DRC5: variants seen among roughly 807,000 people sequenced by gnomAD.
DRC5 encodes the protein dynein regulatory complex subunit 5.
the DRC5 span, chr6:44,287,554 A>G: frequency 2.3e-5 from 37 of 1,606,426 alleles, no homozygotes; most frequent in Non-Finnish European, 2.9e-5. Flanking sequence ...CTCACTCTGG[A>G]AGTTCCTGAT....
the DRC5 span, among the ~76,000 whole-genome samples, chr6:44,292,968 C>T: frequency 6.6e-6 from 1 of 152,308 alleles, no homozygotes; most frequent in East Asian, 1.9e-4. Flanking sequence ...TCTAATAAGT[C>T]CCTTTGCCAA....
the DRC5 span, among the ~76,000 whole-genome samples, chr6:44,296,756 TCAGC>T: frequency 6.6e-6 from 1 of 150,916 alleles, no homozygotes; most frequent in Admixed American, 6.7e-5. Flanking sequence ...CTCTGCCTTC[TCAGC>T]CGCTCCCACC....
chr6:44,288,593 C>T, the DRC5 span, among the ~76,000 whole-genome samples: 2 of 152,138 alleles, frequency 1.3e-5, no homozygotes, highest in East Asian at 1.9e-4. Flanking sequence ...CTGCCTGATC[C>T]GTAGGATGGG....
At chr6:44,285,936 T>G in the DRC5 span, 10 of 1,563,332 alleles carry the variant, frequency 6.4e-6, no homozygotes, top group African/African-American at 2.8e-5. Flanking sequence ...TGAGAAGGGG[T>G]GGGGGGAAGG....
chr6:44,286,199 G>C, the DRC5 span: 2 of 1,611,688 alleles, frequency 1.2e-6, no homozygotes, highest in East Asian at 2.2e-5. Context: ...CCGGAGCTGG[G>C]CCGGGAGCTG....
At chr6:44,296,091 G>T in the DRC5 span, among the ~76,000 whole-genome samples, 1 of 152,186 alleles carries the variant, frequency 6.6e-6, no homozygotes, top group Non-Finnish European at 1.5e-5. Context: ...AACTTAGAAA[G>T]CTTAAGTAAC....
chr6:44,280,415 G>A, the DRC5 span: 1 of 1,571,172 alleles, frequency 6.4e-7, no homozygotes, highest in Non-Finnish European at 8.7e-7. Flanking sequence ...CAAAGGAAGG[G>A]GTCATTTACA....
chr6:44,289,693 G>A, the DRC5 span, among the ~76,000 whole-genome samples: 2 of 152,238 alleles, frequency 1.3e-5, no homozygotes, highest in Non-Finnish European at 1.5e-5. Context: ...GTGGGCAAGC[G>A]TGGGAGGCGA....
At chr6:44,279,942 T>G in the DRC5 span, 1 of 398,118 alleles carries the variant, frequency 2.5e-6, no homozygotes, top group South Asian at 6.3e-5. Context: ...CATTTGTGGG[T>G]GTCCAGTAAT....
the DRC5 span, among the ~76,000 whole-genome samples, chr6:44,284,793 C>T: frequency 2.6e-5 from 4 of 152,346 alleles, no homozygotes; most frequent in Non-Finnish European, 2.9e-5. Context: ...ACACTACCCT[C>T]GCTGAAATGA....
At chr6:44,294,716 G>T in the DRC5 span, among the ~76,000 whole-genome samples, 1 of 139,598 alleles carries the variant, frequency 7.2e-6, no homozygotes, top group South Asian at 2.3e-4. Flanking sequence ...AGGTTGCAGT[G>T]AGCTGAGATT....
At chr6:44,290,250 C>G in the DRC5 span, among the ~76,000 whole-genome samples, 17 of 152,138 alleles carry the variant, frequency 1.1e-4, no homozygotes, top group African/African-American at 3.9e-4. Context: ...TGCTTTGTGA[C>G]CTTGGCCAAG....
At chr6:44,281,997 T>C in the DRC5 span, 5 of 1,017,660 alleles carry the variant, frequency 4.9e-6, no homozygotes, top group Non-Finnish European at 7.3e-6. Flanking sequence ...TATGTGTGCA[T>C]ACTTGATGCA....
At chr6:44,294,216 A>G in the DRC5 span, among the ~76,000 whole-genome samples, 1 of 152,108 alleles carries the variant, frequency 6.6e-6, no homozygotes, top group Non-Finnish European at 1.5e-5. Context: ...TCTCGACCTC[A>G]GGTGATCTGC....
the DRC5 span, among the ~76,000 whole-genome samples, chr6:44,283,145 G>A: frequency 3.3e-4 from 50 of 152,246 alleles, no homozygotes; most frequent in African/African-American, 1.2e-3. Context: ...TCAGCATCTC[G>A]ATGAAGAAGA....
chr6:44,286,086 C>T, the DRC5 span: 2 of 1,614,160 alleles, frequency 1.2e-6, no homozygotes, highest in Non-Finnish European at 1.7e-6. Context: ...AGGTCCAGCT[C>T]CTCCAGGTGG....
chr6:44,283,669 C>T, the DRC5 span, among the ~76,000 whole-genome samples: 7 of 152,314 alleles, frequency 4.6e-5, no homozygotes, highest in East Asian at 9.7e-4. Flanking sequence ...CATGCCTGTG[C>T]GCAAGCAACT....
chr6:44,290,359 C>T, the DRC5 span, among the ~76,000 whole-genome samples: 137 of 152,166 alleles, frequency 9.0e-4, 1 homozygote, highest in African/African-American at 3.2e-3. Flanking sequence ...AGATAATGGT[C>T]GGTTAATATT....
At chr6:44,293,209 C>A in the DRC5 span, among the ~76,000 whole-genome samples, 1 of 151,810 alleles carries the variant, frequency 6.6e-6, no homozygotes, top group Non-Finnish European at 1.5e-5. Flanking sequence ...AGTCTCACAT[C>A]CCATCTCTCC....
Sources: gnomAD v4.1 joint callset for allele counts (sites outside exome capture counted in the v4.1 genomes callset) on GRCh38, gnomAD v4.1.1 for gene constraint, MANE v1.5 for transcripts, NCBI Gene and HGNC (gene_info 2026-07-23, HGNC 2026-07-21) for gene names.